Variants in SUN1 observed in about 807,000 individuals in gnomAD.
The protein encoded by SUN1 is SUN domain-containing protein 1.
A neutral mutation model predicts 103.2 loss-of-function variants in SUN1; 61 were observed. The observed-to-expected ratio is 0.59, with a 90% CI of 0.48 to 0.73. The LOEUF (loss-of-function observed/expected upper bound fraction) is 0.73. Among genes scored for constraint, SUN1 ranks in the 30% least tolerant of loss-of-function variants. The probability of loss-of-function intolerance (pLI) is 0.00; values close to 1 mark genes in which losing one functional copy is unlikely to be tolerated. For missense variants in SUN1, 1,052 were observed against 1,034.6 expected, an observed-to-expected ratio of 1.02 and a Z score of -0.23; for synonymous variants, 490 against 425.7, an observed-to-expected ratio of 1.15 and a Z score of -1.86.
intron 5 of SUN1, among the ~76,000 whole-genome samples, chr7:846,436 G>A (rs1487685709): frequency 6.6e-6 from 1 of 152,022 alleles, no homozygotes; most frequent in Non-Finnish European, 1.5e-5. Context: ...TAAAGTGAGA[G>A]GTGGCACGTA....
chr7:815,621 T>C (rs1780134625), upstream of SUN1, among the ~76,000 whole-genome samples: 1 of 151,782 alleles, frequency 6.6e-6, no homozygotes, highest in Non-Finnish European at 1.5e-5. Context: ...TGATTGTATG[T>C]AAATTACACT....
intron 10 of SUN1, among the ~76,000 whole-genome samples, chr7:854,652 A>C (rs1364620820): frequency 3.3e-5 from 5 of 152,232 alleles, no homozygotes; most frequent in Non-Finnish European, 5.9e-5. Flanking sequence ...CCGAGGCGGG[A>C]GGGTCACCTG....
intron 5 of SUN1, chr7:848,310 T>C: frequency 1.0e-6 from 1 of 952,482 alleles, no homozygotes. Context: ...TTATCTTTGG[T>C]GTCCATTCTA....
chr7:838,322 T>A (rs1035312899), intron 1 of SUN1, among the ~76,000 whole-genome samples: 2 of 152,218 alleles, frequency 1.3e-5, no homozygotes, highest in African/African-American at 4.8e-5. Flanking sequence ...TCTGAAGCCT[T>A]TAGATAAATT....
At chr7:833,536 C>G (rs1051182121) in intron 1 of SUN1, among the ~76,000 whole-genome samples, 1 of 152,092 alleles carries the variant, frequency 6.6e-6, no homozygotes, top group Non-Finnish European at 1.5e-5. Flanking sequence ...ATCTCGAGCT[C>G]CTGACCTCAG....
rs1843251821 is a variant in SUN1, at chr7:874,231, C to T, written c.*900C>T. The T allele has an allele frequency of 6.6e-6, 1 of 152,560 alleles. No individual in the cohort carries two copies. Among genetic ancestry groups the T allele is most frequent in the African/African-American group, 2.4e-5 (1 of 41,456 alleles). 9.5% of individuals were successfully genotyped at this position (152,560 alleles called of 1,614,324 possible). On this transcript the variant is annotated 3_prime_UTR_variant, in exon 19 of 19. Coordinates refer to ENST00000401592, the MANE Select transcript of SUN1 (RefSeq NM_001130965.3). Reference sequence around the variant, plus strand: ...GTGTGTCAGGGTCACGAACCCGTTACATTTCAGGACGATCCTTTTTCCTTC... The same window carrying T: ...GTGTGTCAGGGTCACGAACCCGTTATATTTCAGGACGATCCTTTTTCCTTC...
chr7:829,857 A>T (rs1186669859), upstream of SUN1, among the ~76,000 whole-genome samples: 1 of 152,116 alleles, frequency 6.6e-6, no homozygotes, highest in Non-Finnish European at 1.5e-5. Flanking sequence ...CCCGGCCATA[A>T]CTGTTCTTTT....
intron 15 of SUN1, among the ~76,000 whole-genome samples, chr7:863,772 T>G (rs1045408522): frequency 1.3e-5 from 2 of 152,188 alleles, no homozygotes. Context: ...TTATTCTTCA[T>G]TGAGAAAAAC....
In SUN1 at chr7:853,583, T is replaced by C. The variant is rs770565376; in HGVS notation, c.1228T>C (p.Ser410Pro). 1.2e-6 allele frequency: 2 copies of C among 1,607,806 alleles called. No homozygotes were observed. The highest frequency in any genetic ancestry group is 1.7e-6 in the Non-Finnish European group (2 of 1,179,930). ...AGGCGGCGCTGCCGGGCCGTCAGCT[T>C]CGGTCAGAGACGCTGTGGGACAGCC... is the stretch of plus-strand genomic sequence containing the variant. ...MEGGAAGPSA[S>P]VRDAVGQPPR... Residue 410 changes from serine (S) to proline (P), a missense_variant, in exon 10 of 19, where the codon TCG becomes CCG. Around this residue, in one of 2 missense-constraint regions of SUN1, gnomAD observed 846 missense variants for 774.5 expected, o/e 1.09. Coordinates refer to ENST00000401592, the MANE Select transcript of SUN1 (RefSeq NM_001130965.3).
intron 17 of SUN1, among the ~76,000 whole-genome samples, chr7:869,909 A>G (rs1055252253): frequency 2.0e-5 from 3 of 152,106 alleles, no homozygotes; most frequent in African/African-American, 7.2e-5. Flanking sequence ...TTTCTTCACC[A>G]TGCCTTTAAA....
intron 2 of SUN1, chr7:839,322 A>G (rs1320529795): frequency 1.5e-5 from 4 of 263,106 alleles, no homozygotes; most frequent in East Asian, 6.8e-5. Flanking sequence ...CTGTCCTACC[A>G]CATGTGTAAA....
chr7:841,981 C>T lies in SUN1; in HGVS notation c.302C>T (p.Ala101Val), dbSNP rs1175062213. ...CAGCGCAGAAGCACAAACAAATCAG[C>T]TTTTAGTATCAACCACGTGTCAAGG... Reference protein sequence around the residue: ...TKQRRSTNKSAFSINHVSRQV... With the variant: ...TKQRRSTNKSVFSINHVSRQV... The change falls in exon 3 of 19, where the codon GCT (alanine) becomes GTT (valine). Residue 101 changes from alanine to valine, a missense_variant. This residue lies in a region of SUN1 where 846 missense variants were observed against 774.5 expected (regional missense o/e 1.09). Coordinates refer to ENST00000401592, the MANE Select transcript of SUN1 (RefSeq NM_001130965.3). 1.2e-6 allele frequency: 2 copies of T among 1,614,116 alleles called. No individual in the cohort carries two copies. Among genetic ancestry groups the T allele is most frequent in the East Asian group, 2.2e-5 (1 of 44,886 alleles).
chr7:850,788 A>AAAAC (rs1163377088), intron 5 of SUN1: 1 of 151,308 alleles, frequency 6.6e-6, no homozygotes, highest in African/African-American at 2.4e-5. Context: ...AAAAACAAAA[A>AAAAC]AAAACTGGAA....
intron 13 of SUN1, among the ~76,000 whole-genome samples, chr7:859,671 CAT>C (rs1830648476): frequency 6.6e-6 from 1 of 152,242 alleles, no homozygotes; most frequent in Non-Finnish European, 1.5e-5. Context: ...AAGGTATACA[CAT>C]ATGTGTTTGT....
intron 12 of SUN1, among the ~76,000 whole-genome samples, chr7:856,857 G>C (rs1827926741): frequency 6.6e-6 from 1 of 152,144 alleles, no homozygotes. Flanking sequence ...GGCAGTCCCT[G>C]GTGGACAGGA....
chr7:847,883 C>T (rs1172787900), intron 5 of SUN1, among the ~76,000 whole-genome samples: 1 of 150,830 alleles, frequency 6.6e-6, no homozygotes, highest in East Asian at 2.0e-4. Context: ...GGGGTTACCC[C>T]GCAGCGCCGT....
chr7:854,433 C>G (rs990614829), intron 10 of SUN1, among the ~76,000 whole-genome samples: 5 of 152,268 alleles, frequency 3.3e-5, no homozygotes, highest in African/African-American at 4.8e-5. Flanking sequence ...TTTTAAAATG[C>G]AGGTTCTCAC....
At chr7:840,832 G>A (rs1235634802) in intron 2 of SUN1, among the ~76,000 whole-genome samples, 4 of 151,642 alleles carry the variant, frequency 2.6e-5, no homozygotes, top group Admixed American at 6.6e-5. Context: ...TAGTAGAGGC[G>A]GGGTTTCACC....
chr7:823,966 A>G (rs1788916248), intron 1 of SUN1, among the ~76,000 whole-genome samples: 1 of 152,264 alleles, frequency 6.6e-6, no homozygotes, highest in Admixed American at 6.5e-5. Context: ...CTTGCAGTAT[A>G]AACATCAAAA....
Sources: allele counts gnomAD v4.1 joint callset (sites outside exome capture counted in the v4.1 genomes callset), GRCh38; gene constraint gnomAD v4.1.1; regional missense constraint gnomAD v4.1.1; transcripts MANE v1.5; gene names NCBI Gene and HGNC (gene_info 2026-07-23, HGNC 2026-07-21).